ADGRF1: variants seen among roughly 807,000 people sequenced by gnomAD.
The protein encoded by ADGRF1 is adhesion G protein-coupled receptor F1, also known as G protein-coupled receptor 110.
A neutral mutation model predicts 87.2 loss-of-function variants in ADGRF1; 85 were observed. The observed-to-expected ratio is 0.97, with a 90% CI of 0.82 to 1.17. ADGRF1 has a LOEUF of 1.17. Among genes scored for constraint, ADGRF1 ranks in the 50% most tolerant of loss-of-function variants. The pLI is 0.00. For missense variants in ADGRF1, 1,169 were observed against 1,077.2 expected (o/e 1.09, Z -1.19); for synonymous variants, 430 against 408.8 (o/e 1.05, Z -0.63).
chr6:47,031,968 C>G (rs572458641), intron 1 of ADGRF1, among the ~76,000 whole-genome samples: 4 of 152,222 alleles, frequency 2.6e-5, no homozygotes, highest in Admixed American at 2.0e-4. Context: ...ACCTCAGCTT[C>G]CAAAGTGGGA....
intron 13 of ADGRF1, among the ~76,000 whole-genome samples, chr6:47,005,312 A>C (rs781617999): frequency 1.3e-4 from 20 of 152,186 alleles, no homozygotes; most frequent in Non-Finnish European, 2.6e-4. Flanking sequence ...TAAGATTGCA[A>C]GTAACAGAAT....
intron 3 of ADGRF1, 83 bp from the exon 4 acceptor site, chr6:47,026,086 C>CA (rs1780224739): frequency 8.0e-7 from 1 of 1,257,160 alleles, no homozygotes. Context: ...AAACAATCAT[C>CA]AAATTTAGGT....
At position 47,008,142 on chromosome 6, in the gene ADGRF1, G is replaced by A. The variant is rs560988395; in HGVS notation, c.2490+803C>T. Among the ~76,000 whole-genome samples the A allele has an allele frequency of 5.3e-5, 8 of 152,344 alleles. No individual in the cohort carries two copies. In the East Asian group the frequency reaches 1.4e-3, roughly 26 times the overall value. On this transcript the variant is annotated intron_variant, in intron 11 of 14. Coordinates refer to ENST00000371253, the MANE Select transcript of ADGRF1 (RefSeq NM_153840.4). ...TGCTAGAGGTCACACAGTTTGTAAA[G>A]TGATGTATTTGAGCCCAGACCTATT...
chr6:47,038,937 G>C, intron 1 of ADGRF1, among the ~76,000 whole-genome samples: 1 of 152,292 alleles, frequency 6.6e-6, no homozygotes. Flanking sequence ...GCTGCATGCA[G>C]TACAAACACA....
In ADGRF1 at chr6:47,024,069, C is replaced by A; in HGVS notation, c.426G>T (p.Gln142His). 6.2e-7 allele frequency: 1 copy of A among 1,613,956 alleles called. No individual in the cohort carries two copies. Among genetic ancestry groups the A allele is most frequent in the Non-Finnish European group, 8.5e-7 (1 of 1,179,940 alleles). Residue 142 changes from glutamine (Q) to histidine (H), a missense_variant, in exon 5 of 15, where the codon CAG (glutamine) becomes CAT (histidine). Transcript: ENST00000371253. Reference protein sequence around the residue: ...SCECHLNNLSQSVNFCERTKI... With the variant: ...SCECHLNNLSHSVNFCERTKI... ...TTGTTCTCTCACAGAAATTGACACT[C>A]TGGCTGAGGTTGTTGAGATGACATT...
intron 7 of ADGRF1, chr6:47,020,477 T>G (rs1307731171): frequency 1.4e-6 from 2 of 1,443,220 alleles, no homozygotes; most frequent in Admixed American, 4.2e-5. Context: ...GCACTCCAAC[T>G]TGGGCGACAA....
At chr6:47,001,377 G>T in intron 14 of ADGRF1, 124 bp downstream of exon 14, 1 of 738,930 alleles carries the variant, frequency 1.4e-6, no homozygotes, top group Non-Finnish European at 2.2e-6. Flanking sequence ...TGAAAACATG[G>T]CTGGCTGATA....
At chr6:47,012,935 A>T in intron 9 of ADGRF1, 1 of 566,732 alleles carries the variant, frequency 1.8e-6, no homozygotes, top group Non-Finnish European at 2.2e-6. Flanking sequence ...ACGCCCAGCT[A>T]ATTGTTTTTG....
intron 12 of ADGRF1, 52 bp downstream of exon 12, chr6:47,007,201 G>A (rs1779557412): frequency 2.8e-6 from 3 of 1,077,114 alleles, no homozygotes; most frequent in South Asian, 1.4e-5. Flanking sequence ...CAAAGGGGAG[G>A]GGGCCTAAGA....
intron 1 of ADGRF1, among the ~76,000 whole-genome samples, chr6:47,037,930 T>G (rs1443234802): frequency 1.3e-5 from 2 of 152,158 alleles, no homozygotes; most frequent in Non-Finnish European, 2.9e-5. Flanking sequence ...GTGCAATCTC[T>G]GCTTACTGCA....
In ADGRF1 at chr6:47,009,124, T is replaced by G. The variant is rs563705836; in HGVS notation, c.2311A>C (p.Arg771=). The G allele has an allele frequency of 3.7e-6, 6 of 1,614,114 alleles. No homozygotes were observed. In the African/African-American group the frequency reaches 8.0e-5, roughly 22 times the overall value. ...VVLLVLTKLW[R]PTVGERLSRD... ...CTCAGTCTTTCCCCAACAGTCGGCCTCCAGAGCTTTGTGAGAACTAGCAGC... is the reference window on the plus strand; with the variant it reads ...CTCAGTCTTTCCCCAACAGTCGGCCGCCAGAGCTTTGTGAGAACTAGCAGC... The change falls in exon 11 of 15, where the codon AGG becomes CGG. Residue 771 remains arginine (R), a synonymous_variant. Transcript: ENST00000371253.
chr6:47,011,763 CTT>C, intron 10 of ADGRF1, among the ~76,000 whole-genome samples: 1 of 152,202 alleles, frequency 6.6e-6, no homozygotes, highest in Non-Finnish European at 1.5e-5. Flanking sequence ...AGTGCAAAAG[CTT>C]ACCCCCTCCT....
chr6:47,017,435 C>T lies in ADGRF1; in HGVS notation c.612-667G>A, dbSNP rs1779916999. 4 of 152,158 alleles carry T rather than the reference C, an allele frequency of 2.6e-5. No homozygotes were observed. The South Asian group carries it at 8.3e-4, about 32-fold the overall frequency. 9.4% of individuals were successfully genotyped at this position (152,158 alleles called of 1,614,324 possible). A position where few individuals can be genotyped will look rare whatever the true frequency, so the allele number is the denominator to read the frequency against. The stretch of plus-strand genomic sequence containing the variant: ...TCAGTTAGGAAAGAGCTGGTGGTGG[C>T]TTGAACTAGCTGGGTAGCTATGCAT... On this transcript the variant is annotated intron_variant, in intron 7 of 14. Transcript: ENST00000371253.
rs199841000 is a variant in ADGRF1 at position 47,024,240 on chromosome 6, T to C, written c.278-23A>G. 1,676 of 1,581,548 alleles carry C rather than the reference T, an allele frequency of 1.1e-3. 1 individual carries two copies. The highest frequency in any genetic ancestry group is 1.4e-3 in the Non-Finnish European group (1,603 of 1,154,838). The stretch of plus-strand genomic sequence containing the variant: ...AGTCTGCACAAGAAATAGAACTCAG[T>C]CTCATGGATTCTGGTTTATAAACTG... On this transcript the variant is annotated intron_variant, in intron 4 of 14. Coordinates refer to ENST00000371253, the MANE Select transcript of ADGRF1 (RefSeq NM_153840.4).
intron 1 of ADGRF1, among the ~76,000 whole-genome samples, chr6:47,034,549 C>T (rs981962669): frequency 6.6e-6 from 1 of 152,236 alleles, no homozygotes; most frequent in African/African-American, 2.4e-5. Flanking sequence ...GCTAAACTTG[C>T]ATTTGTTCAA....
chr6:47,000,476 C>T (rs958318276), intron 14 of ADGRF1, among the ~76,000 whole-genome samples, 181 bp from the exon 15 acceptor site: 2 of 152,142 alleles, frequency 1.3e-5, no homozygotes, highest in Admixed American at 6.5e-5. Context: ...ACCCCAGAGG[C>T]TTGCATTTGT....
chr6:46,998,299 G>T lies in ADGRF1; in HGVS notation c.*1923C>A, dbSNP rs1779267006. ...AGCCCTGACTTCTCATCTTTAGCTT[G>T]TGTAGATTTTTTTGTATTCCAGGTG... is the stretch of plus-strand genomic sequence containing the variant. On this transcript the variant is annotated 3_prime_UTR_variant, in exon 15 of 15. Coordinates refer to ENST00000371253, the MANE Select transcript of ADGRF1 (RefSeq NM_153840.4). 6.6e-6 allele frequency: 1 copy of T among 152,160 alleles called. No individual in the cohort carries two copies. 9.4% of individuals were successfully genotyped at this position (152,160 alleles called of 1,614,324 possible). A position where few individuals can be genotyped will look rare whatever the true frequency, so the allele number is the denominator to read the frequency against.
chr6:47,014,381 T>C, intron 9 of ADGRF1: 1 of 1,068,118 alleles, frequency 9.4e-7, no homozygotes, highest in Non-Finnish European at 1.1e-6. Flanking sequence ...GAGGCCAGCT[T>C]AGTTGCTGCT....
chr6:47,014,861 AC>A lies in ADGRF1; in HGVS notation c.764-18del. On this transcript the variant is annotated intron_variant, in intron 8 of 14. Coordinates refer to ENST00000371253, the MANE Select transcript of ADGRF1 (RefSeq NM_153840.4). ...TACACTGGGCTGGAAACAAAAGAAAACAACAAAGAAAAATGATCCTAGAATA... is the reference window on the plus strand; with the variant it reads ...TACACTGGGCTGGAAACAAAAGAAAAAACAAAGAAAAATGATCCTAGAATA... 1 of 1,580,696 alleles carries A rather than the reference AC, an allele frequency of 6.3e-7. No homozygotes were observed. The highest frequency in any genetic ancestry group is 8.6e-7 in the Non-Finnish European group (1 of 1,161,124).
Sources: allele counts gnomAD v4.1 joint callset (sites outside exome capture counted in the v4.1 genomes callset), GRCh38; gene constraint gnomAD v4.1.1; transcripts MANE v1.5; gene names NCBI Gene and HGNC (gene_info 2026-07-23, HGNC 2026-07-21).